Variants in SPMIP2 observed in about 807,000 individuals in gnomAD.
SPMIP2 encodes the protein protein SPMIP2.
chr4:158,915,163 A>C, the SPMIP2 span: 1 of 1,609,046 alleles, frequency 6.2e-7, no homozygotes, highest in Non-Finnish European at 8.5e-7. Flanking sequence ...AAAGCAAAAC[A>C]TCATACCTTT....
chr4:158,936,362 A>G, the SPMIP2 span, among the ~76,000 whole-genome samples: 883 of 152,254 alleles, frequency 5.8e-3, 11 homozygotes, highest in African/African-American at 0.02. Flanking sequence ...GGACTTCAAC[A>G]TTTTCCTTGC....
chr4:159,062,514 G>A, the SPMIP2 span, among the ~76,000 whole-genome samples: 1 of 152,072 alleles, frequency 6.6e-6, no homozygotes, highest in Admixed American at 6.6e-5. Flanking sequence ...AAAACCCAAA[G>A]CTTCCCCACA....
At chr4:159,026,476 T>C in the SPMIP2 span, 4 of 748,740 alleles carry the variant, frequency 5.3e-6, no homozygotes, top group Admixed American at 5.4e-5. Context: ...CATGGTAGAC[T>C]GTGTCATGAA....
At chr4:159,015,494 C>T in the SPMIP2 span, among the ~76,000 whole-genome samples, 5 of 152,160 alleles carry the variant, frequency 3.3e-5, no homozygotes, top group Non-Finnish European at 7.3e-5. Context: ...TAACTTCCTC[C>T]CTTTTGAAAA....
the SPMIP2 span, among the ~76,000 whole-genome samples, chr4:158,926,205 T>C: frequency 2.2e-4 from 33 of 152,338 alleles, no homozygotes; most frequent in African/African-American, 7.2e-4. Context: ...TTATTAGTTA[T>C]TATTTCCTTA....
chr4:158,977,873 C>T, the SPMIP2 span, among the ~76,000 whole-genome samples: 55 of 152,260 alleles, frequency 3.6e-4, no homozygotes, highest in East Asian at 8.1e-3. Context: ...CTCTGCCTCC[C>T]AGTGCTGGGA....
the SPMIP2 span, among the ~76,000 whole-genome samples, chr4:158,923,044 G>C: frequency 6.6e-6 from 1 of 152,164 alleles, no homozygotes; most frequent in African/African-American, 2.4e-5. Context: ...AATTGTCTCA[G>C]CATCCTTGTT....
At chr4:159,003,254 G>A in the SPMIP2 span, among the ~76,000 whole-genome samples, 1 of 152,124 alleles carries the variant, frequency 6.6e-6, no homozygotes, top group African/African-American at 2.4e-5. Context: ...GTGTAGAAAA[G>A]AGAATGGGCC....
At chr4:158,931,447 C>T in the SPMIP2 span, among the ~76,000 whole-genome samples, 19 of 152,174 alleles carry the variant, frequency 1.2e-4, no homozygotes, top group South Asian at 1.0e-3. Flanking sequence ...AGTAGAGACG[C>T]GGTTTCATGA....
the SPMIP2 span, among the ~76,000 whole-genome samples, chr4:159,003,646 T>C: frequency 1.3e-5 from 2 of 152,180 alleles, no homozygotes; most frequent in East Asian, 3.9e-4. Context: ...GGAAGTGTCA[T>C]GGTGCCAAAG....
chr4:159,009,635 C>A, the SPMIP2 span, among the ~76,000 whole-genome samples: 4 of 152,172 alleles, frequency 2.6e-5, no homozygotes, highest in South Asian at 8.3e-4. Flanking sequence ...CAAATGTCCC[C>A]ATGTTTCCGT....
the SPMIP2 span, among the ~76,000 whole-genome samples, chr4:158,979,186 G>A: frequency 0.28 from 42,259 of 151,958 alleles, 6,418 homozygotes; most frequent in Middle Eastern, 0.34. Context: ...CTCAGTAATG[G>A]CAGACACCCC....
the SPMIP2 span, among the ~76,000 whole-genome samples, chr4:158,947,545 T>C: frequency 2.9e-3 from 439 of 152,354 alleles, no homozygotes; most frequent in African/African-American, 8.2e-3. Flanking sequence ...CCCTAACTAC[T>C]AACATTCCTG....
chr4:158,895,912 T>C, the SPMIP2 span: 3 of 1,366,162 alleles, frequency 2.2e-6, no homozygotes, highest in Non-Finnish European at 3.1e-6. Context: ...TAGGTATCCC[T>C]AGCATTGTAC....
chr4:159,038,495 A>C, the SPMIP2 span: 1 of 152,126 alleles, frequency 6.6e-6, no homozygotes, highest in African/African-American at 2.4e-5. Flanking sequence ...TTTCCATCCT[A>C]CATTTTTTTA....
the SPMIP2 span, among the ~76,000 whole-genome samples, chr4:159,061,381 G>A: frequency 6.6e-6 from 1 of 151,846 alleles, no homozygotes; most frequent in Non-Finnish European, 1.5e-5. Context: ...GCCTTACCCC[G>A]AGACCAGGAA....
At chr4:158,943,467 T>G in the SPMIP2 span, among the ~76,000 whole-genome samples, 1 of 152,192 alleles carries the variant, frequency 6.6e-6, no homozygotes, top group African/African-American at 2.4e-5. Context: ...ATCACTCTCA[T>G]CAGTTCTCTA....
chr4:158,922,923 AAAT>A, the SPMIP2 span, among the ~76,000 whole-genome samples: 2 of 152,234 alleles, frequency 1.3e-5, no homozygotes, highest in African/African-American at 4.8e-5. Flanking sequence ...TTTTATGACC[AAAT>A]AATATTTCAT....
At chr4:159,002,766 GCACACACACA>G in the SPMIP2 span, among the ~76,000 whole-genome samples, 19 of 148,188 alleles carry the variant, frequency 1.3e-4, no homozygotes, top group African/African-American at 2.7e-4. Flanking sequence ...ACATATCACT[GCACACACACA>G]CACACACACA....
Sources: allele counts gnomAD v4.1 joint callset (sites outside exome capture counted in the v4.1 genomes callset), GRCh38; gene constraint gnomAD v4.1.1; transcripts MANE v1.5; gene names NCBI Gene and HGNC (gene_info 2026-07-23, HGNC 2026-07-21).